The following TSNAX variants were observed in gnomAD, a reference collection of about 807,000 sequenced individuals.
The protein encoded by TSNAX is translin associated factor X.
A neutral mutation model predicts 33.0 loss-of-function variants in TSNAX; 12 were observed. The observed-to-expected ratio is 0.36, with a 90% confidence interval of 0.23 to 0.59. The LOEUF (loss-of-function observed/expected upper bound fraction) is 0.59. Among genes scored for constraint, TSNAX ranks in the 20% least tolerant of loss-of-function variants. The probability of loss-of-function intolerance (pLI) is 0.74; values close to 1 mark genes in which losing one functional copy is unlikely to be tolerated. For missense variants in TSNAX, 267 were observed against 341.3 expected (o/e 0.78, Z 1.72); for synonymous variants, 110 against 117.2 (o/e 0.94, Z 0.40).
chr1:231,532,185 C>CACACACACACACACAG (rs1356252515), intron 2 of TSNAX, among the ~76,000 whole-genome samples: 12 of 116,128 alleles, frequency 1.0e-4, no homozygotes, highest in Non-Finnish European at 1.5e-4. Flanking sequence ...CACACACACA[C>CACACACACACACACAG]AGTTTTGGTT....
At position 231,539,597 on chromosome 1, in the gene TSNAX, A is replaced by G. The variant is rs1659420143; in HGVS notation, c.236+2270A>G. On this transcript the variant is annotated intron_variant, in intron 3 of 5. Transcript: ENST00000366639. ...GTCATCTTTTAAATATTTTTCCACCAAAAAATAAATGCTCATTATAGTAAA... is the reference window on the plus strand; with the variant it reads ...GTCATCTTTTAAATATTTTTCCACCGAAAAATAAATGCTCATTATAGTAAA... Among the ~76,000 whole-genome samples, 7 of 152,300 alleles carry G rather than the reference A, an allele frequency of 4.6e-5. No homozygotes were observed. The South Asian group carries it at 1.4e-3, about 32-fold the overall frequency.
chr1:231,532,886 A>G (rs959971109), intron 2 of TSNAX, among the ~76,000 whole-genome samples: 23 of 152,158 alleles, frequency 1.5e-4, no homozygotes, highest in African/African-American at 5.5e-4. Flanking sequence ...GCTTTCTTAC[A>G]TATAGAGACA....
intron 5 of TSNAX, 81 bp from the exon 6 acceptor site, chr1:231,564,447 A>G: frequency 2.0e-6 from 3 of 1,517,796 alleles, no homozygotes; most frequent in Non-Finnish European, 2.6e-6. Flanking sequence ...AATGTGATAC[A>G]TGCTATATTC....
chr1:231,552,602 T>G (rs1227441234), intron 4 of TSNAX, among the ~76,000 whole-genome samples: 2 of 152,248 alleles, frequency 1.3e-5, no homozygotes, highest in Non-Finnish European at 2.9e-5. Flanking sequence ...AGACATTACA[T>G]ACCACATAAT....
chr1:231,540,582 A>T (rs116211476), intron 3 of TSNAX, among the ~76,000 whole-genome samples: 2,078 of 152,268 alleles, frequency 0.014, 58 homozygotes, highest in African/African-American at 0.047. Context: ...TCTATCTGGT[A>T]AATGTTGTGT....
At chr1:231,535,458 A>G (rs902031484) in intron 2 of TSNAX, 2 of 152,236 alleles carry the variant, frequency 1.3e-5, no homozygotes, top group African/African-American at 4.8e-5. Flanking sequence ...AACATCTGAT[A>G]GTGGTATAAT....
rs541140458 is a variant in TSNAX at position 231,542,925 on chromosome 1, TC to T, written c.367+317del. ...TCTCAGTGGTGGCTCACGCCTGTAA[TC>T]CCAGCACTTTGGAAGGCCGAGGCGG... is the stretch of plus-strand genomic sequence containing the variant. On this transcript the variant is annotated intron_variant, in intron 4 of 5. Transcript: ENST00000366639. 1.7e-3 allele frequency: 279 copies of T among 166,682 alleles called. 1 individual carries two copies. Among genetic ancestry groups the T allele is most frequent in the African/African-American group, 6.1e-3 (255 of 42,032 alleles). 10.3% of individuals were successfully genotyped at this position (166,682 alleles called of 1,614,324 possible).
intron 4 of TSNAX, among the ~76,000 whole-genome samples, chr1:231,558,837 G>C (rs1169104058): frequency 6.6e-6 from 1 of 152,088 alleles, no homozygotes; most frequent in Non-Finnish European, 1.5e-5. Context: ...CCTCGTTAAT[G>C]TTTAATTTCT....
intron 4 of TSNAX, among the ~76,000 whole-genome samples, chr1:231,544,456 A>G (rs1240423236): frequency 6.6e-6 from 1 of 152,252 alleles, no homozygotes; most frequent in Non-Finnish European, 1.5e-5. Context: ...CTTGTATTTT[A>G]ATAAAAATTC....
At chr1:231,532,991 C>T (rs1572099092) in intron 2 of TSNAX, among the ~76,000 whole-genome samples, 1 of 151,472 alleles carries the variant, frequency 6.6e-6, no homozygotes, top group East Asian at 1.9e-4. Context: ...TAAGATTTAC[C>T]AAGTGTTTTG....
intron 2 of TSNAX, among the ~76,000 whole-genome samples, chr1:231,532,183 CACAG>C (rs1215677348): frequency 5.6e-4 from 64 of 115,048 alleles, no homozygotes; most frequent in African/African-American, 1.2e-3. Context: ...CACACACACA[CACAG>C]TTTTGGTTTT....
chr1:231,556,752 A>G (rs1256305591), intron 4 of TSNAX, among the ~76,000 whole-genome samples: 1 of 152,208 alleles, frequency 6.6e-6, no homozygotes, highest in East Asian at 1.9e-4. Context: ...GATTCTGACC[A>G]TTTAAAGCAG....
rs1195593935 is a variant in TSNAX at position 231,529,369 on chromosome 1, C to T, written c.121+10C>T. On this transcript the variant is annotated intron_variant, in intron 2 of 5. Transcript: ENST00000366639. ...ATGTTGGCCTTTAAATGTAAGTTCT[C>T]TGCAATGTAAGTTGAAGAAGGGGAG... 2 of 1,612,986 alleles carry T rather than the reference C, an allele frequency of 1.2e-6. No individual in the cohort carries two copies. Among genetic ancestry groups the T allele is most frequent in the African/African-American group, 2.7e-5 (2 of 74,872 alleles).
chr1:231,552,190 C>G (rs1423596905), intron 4 of TSNAX, among the ~76,000 whole-genome samples: 1 of 151,818 alleles, frequency 6.6e-6, no homozygotes, highest in African/African-American at 2.4e-5. Flanking sequence ...GAGGCTGAGG[C>G]AGGAGAGAGA....
intron 3 of TSNAX, among the ~76,000 whole-genome samples, chr1:231,541,898 A>G (rs981674615): frequency 2.0e-5 from 3 of 152,140 alleles, no homozygotes; most frequent in Admixed American, 1.3e-4. Flanking sequence ...CTCTGTTTAT[A>G]CAGCTTTCTC....
chr1:231,545,697 A>G (rs1338468478), intron 4 of TSNAX, among the ~76,000 whole-genome samples: 1 of 152,202 alleles, frequency 6.6e-6, no homozygotes, highest in Non-Finnish European at 1.5e-5. Flanking sequence ...TCGGTACACA[A>G]AACTAAGTTT....
chr1:231,531,840 G>A (rs369019597), intron 2 of TSNAX, among the ~76,000 whole-genome samples: 2 of 152,226 alleles, frequency 1.3e-5, no homozygotes, highest in South Asian at 4.1e-4. Context: ...AAGGTACAGA[G>A]CTTGATAAAT....
intron 2 of TSNAX, among the ~76,000 whole-genome samples, chr1:231,532,163 C>CACACACACACACAT: frequency 1.1e-5 from 1 of 92,582 alleles, no homozygotes; most frequent in African/African-American, 3.7e-5. Context: ...CACACACACA[C>CACACACACACACAT]ACACACACAC....
intron 4 of TSNAX, among the ~76,000 whole-genome samples, chr1:231,546,186 T>C (rs1353690840): frequency 1.3e-5 from 2 of 152,220 alleles, no homozygotes; most frequent in African/African-American, 4.8e-5. Flanking sequence ...TGTTTTTCAC[T>C]TTATATATCC....
Sources: allele counts gnomAD v4.1 joint callset (sites outside exome capture counted in the v4.1 genomes callset), GRCh38; gene constraint gnomAD v4.1.1; transcripts MANE v1.5; gene names NCBI Gene and HGNC (gene_info 2026-07-23, HGNC 2026-07-21).